The following PLXNB2 variants were observed in gnomAD, a reference collection of about 807,000 sequenced individuals.
The protein encoded by PLXNB2 is plexin B2, also known as plexin-B2.
Under a neutral mutation model 202.6 loss-of-function variants are expected in PLXNB2, and 85 were observed. That is an observed-to-expected ratio of 0.42 (90% CI 0.35 to 0.50). The LOEUF (loss-of-function observed/expected upper bound fraction) is 0.50, where lower values mean the gene tolerates loss of function less well. Ranked by LOEUF, PLXNB2 falls within the 20% of genes least tolerant of loss-of-function variation. PLXNB2 has a pLI of 0.02. For missense variants in PLXNB2, 2,063 were observed against 2,586.2 expected (o/e 0.80, Z 4.39); for synonymous variants, 1,239 against 1,137.6 (o/e 1.09, Z -1.79).
At chr22:50,282,486 G>C (rs1276910116) in intron 18 of PLXNB2, 173 bp from the exon 19 acceptor site, 1 of 741,212 alleles carries the variant, frequency 1.3e-6, no homozygotes, top group African/African-American at 1.8e-5. Flanking sequence ...AGACTGTGCC[G>C]CAAGTGGGCG....
chr22:50,300,270 C>A, intron 1 of PLXNB2: 2 of 985,298 alleles, frequency 2.0e-6, no homozygotes, highest in Non-Finnish European at 2.4e-6. Flanking sequence ...CCCCGCGGGG[C>A]GCTCACCTGG....
Position 50,286,098 on chromosome 22 carries a change from C to T in PLXNB2, c.1878G>A (p.Pro626=), listed in dbSNP as rs781347681. 1.9e-6 allele frequency: 3 copies of T among 1,612,250 alleles called. No individual in the cohort carries two copies. The South Asian group carries it at 3.3e-5, about 18-fold the overall frequency. Residue 626 remains proline, a splice_region_variant and synonymous_variant, in exon 10 of 37, where the codon CCG becomes CCA. Transcript: ENST00000359337. ...AGCGGTTGCTCACGCAGGAGATGCA[C>T]CTGCATCCAGAGGGGATCGTGAGCA... The part of the protein sequence containing the change: ...RQAMSLEENL[P]CISCVSNRWT...
chr22:50,306,979 G>A (rs1237814546), intron 1 of PLXNB2, among the ~76,000 whole-genome samples: 2 of 152,194 alleles, frequency 1.3e-5, no homozygotes, highest in Non-Finnish European at 1.5e-5. Flanking sequence ...CAGGGGACAG[G>A]CAGGGCTCGC....
In PLXNB2 at chr22:50,287,808, G is replaced by C. The variant is rs200208821; in HGVS notation, c.1482-15C>G. On this transcript the variant is annotated splice_polypyrimidine_tract_variant and intron_variant, in intron 6 of 36. Transcript: ENST00000359337. ...TCCGGGTGCATCTGCAGGCGCAGGGGGCGGCCTCAGCCCAGGGTGGAGTCT... is the reference window on the plus strand; with the variant it reads ...TCCGGGTGCATCTGCAGGCGCAGGGCGCGGCCTCAGCCCAGGGTGGAGTCT... 2.5e-6 allele frequency: 4 copies of C among 1,595,902 alleles called. No homozygotes were observed. Among genetic ancestry groups the C allele is most frequent in the Admixed American group, 3.4e-5 (2 of 59,526 alleles).
chr22:50,275,405 C>A lies in PLXNB2; in HGVS notation c.*299G>T, dbSNP rs1011318570. 5 of 504,712 alleles carry A rather than the reference C, an allele frequency of 9.9e-6. No homozygotes were observed. In the East Asian group the frequency reaches 2.7e-4, roughly 27 times the overall value. 31.3% of individuals were successfully genotyped at this position (504,712 alleles called of 1,614,324 possible). ...GGAGGCGGAGGCCAGCTGCCCCCAGCGTGGCAGCGTAAGGCACATTTTCAA... is the reference window on the plus strand; with the variant it reads ...GGAGGCGGAGGCCAGCTGCCCCCAGAGTGGCAGCGTAAGGCACATTTTCAA... On this transcript the variant is annotated 3_prime_UTR_variant, in exon 37 of 37. Transcript: ENST00000359337.
At chr22:50,283,276 G>A (rs928303693) in intron 16 of PLXNB2, 61 bp downstream of exon 16, 14 of 1,606,266 alleles carry the variant, frequency 8.7e-6, no homozygotes, top group Admixed American at 1.7e-5. Context: ...GGGAGGCGGC[G>A]GGCAGAGCCC....
intron 1 of PLXNB2, among the ~76,000 whole-genome samples, chr22:50,306,062 G>A (rs900030780): frequency 1.3e-5 from 2 of 152,202 alleles, no homozygotes; most frequent in African/African-American, 4.8e-5. Context: ...CTTCTCCCAC[G>A]CTGCAGCCTC....
chr22:50,304,106 T>G (rs2147729980), intron 1 of PLXNB2, among the ~76,000 whole-genome samples: 1 of 152,274 alleles, frequency 6.6e-6, no homozygotes, highest in South Asian at 2.1e-4. Context: ...CTCCAGGATC[T>G]GGGCTGCAGA....
At position 50,281,344 on chromosome 22, in the gene PLXNB2, C is replaced by CG. The variant is rs762823862; in HGVS notation, c.3662+15dup. ...CGAGGGCTCAGGGTGTTGGCACAGC[C>CG]GGGGGGCGGGCTCACCAGTAGCAGT... On this transcript the variant is annotated intron_variant, in intron 22 of 36. Transcript: ENST00000359337. 8.1e-6 allele frequency: 13 copies of CG among 1,610,846 alleles called. No individual in the cohort carries two copies. The highest frequency in any genetic ancestry group is 3.3e-5 in the South Asian group (3 of 90,714).
Position 50,279,659 on chromosome 22 carries a change from G to A in PLXNB2, c.4360C>T (p.Leu1454=), listed in dbSNP as rs2065853143. 6.2e-7 allele frequency: 1 copy of A among 1,613,962 alleles called. No homozygotes were observed. The highest frequency in any genetic ancestry group is 1.1e-5 in the South Asian group (1 of 91,082). Residue 1454 remains leucine (L), a synonymous_variant, in exon 27 of 37, where the codon CTG becomes TTG. Transcript: ENST00000359337. ...GGTGCGTACTCCACATCATCCCCCAGCAGCCCCGTGTCGTTGAGAGTGTAC... is the reference window on the plus strand; with the variant it reads ...GGTGCGTACTCCACATCATCCCCCAACAGCCCCGTGTCGTTGAGAGTGTAC... ...AKYTLNDTGL[L]GDDVEYAPLT...
chr22:50,301,378 T>C (rs928819062), intron 1 of PLXNB2: 8 of 975,338 alleles, frequency 8.2e-6, no homozygotes, highest in Non-Finnish European at 8.5e-6. Context: ...GGACCTCCTG[T>C]GGGAGGGGTG....
chr22:50,301,258 C>A (rs2067664586), intron 1 of PLXNB2: 1 of 331,936 alleles, frequency 3.0e-6, no homozygotes. Context: ...TCCCAGACCC[C>A]ATCCTGTCCA....
Position 50,283,142 on chromosome 22 carries a change from C to T in PLXNB2, c.2724G>A (p.Ala908=), listed in dbSNP as rs529444607. 279 of 1,597,056 alleles carry T rather than the reference C, an allele frequency of 1.7e-4. No homozygotes were observed. Among genetic ancestry groups the T allele is most frequent in the African/African-American group, 7.8e-4 (58 of 74,704 alleles). ...LSVEPQQGPQ[A]GGTTLTIHGT... ...CGTGGATGGTCAGTGTGGTGCCGCC[C>T]GCCTGCGGTCCCTGCTGCGGCTCCA... Residue 908 remains alanine, a synonymous_variant, in exon 17 of 37, where the codon GCG becomes GCA. Coordinates refer to ENST00000359337, the MANE Select transcript of PLXNB2 (RefSeq NM_012401.4).
At chr22:50,304,892 C>T (rs2067832055) in intron 1 of PLXNB2, among the ~76,000 whole-genome samples, 2 of 152,204 alleles carry the variant, frequency 1.3e-5, no homozygotes, top group South Asian at 4.1e-4. Flanking sequence ...TTCTGAGCAG[C>T]TCACCACCTC....
At chr22:50,298,075 G>A (rs1341055581) in intron 1 of PLXNB2, among the ~76,000 whole-genome samples, 10 of 152,036 alleles carry the variant, frequency 6.6e-5, no homozygotes, top group Admixed American at 2.0e-4. Context: ...CTGCCCCGCC[G>A]CCCTGCCCCA....
Position 50,297,538 on chromosome 22 carries a change from A to C in PLXNB2, c.-73-2760T>G, listed in dbSNP as rs1416232980. ...TCAGTCTGGGGCCCTTCCTGGCCCA[A>C]GTCTACCTCCTCTGCCCGGCCTCTG... On this transcript the variant is annotated intron_variant, in intron 1 of 36. Coordinates refer to ENST00000359337, the MANE Select transcript of PLXNB2 (RefSeq NM_012401.4). This position sits in a 1 kb window ranked among gnomAD's most constrained non-coding sequence, Gnocchi z 5.3. 6.6e-6 allele frequency among the ~76,000 whole-genome samples: 1 copy of C among 152,072 alleles called. No individual in the cohort carries two copies. Among genetic ancestry groups the C allele is most frequent in the African/African-American group, 2.4e-5 (1 of 41,386 alleles).
intron 1 of PLXNB2, among the ~76,000 whole-genome samples, chr22:50,306,277 G>C (rs1294415833): frequency 1.3e-5 from 2 of 152,194 alleles, no homozygotes; most frequent in Non-Finnish European, 2.9e-5. Context: ...ACCGTGGGAG[G>C]ACTCAGATGT....
chr22:50,280,833 G>C lies in PLXNB2; in HGVS notation c.3904C>G (p.Leu1302Val). ...GGCCGCCGCGGCTCAGGGATGTCCA[G>C]CTTGCCGGTGATCATCACGTCCTTG... ...GDKDVMITGK[L>V]DIPEPRRPVV... is the part of the protein sequence containing the mutation. Residue 1302 changes from leucine (L) to valine (V), a missense_variant, in exon 24 of 37, where the codon CTG becomes GTG. By Grantham distance (32) the Leu-to-Val change is conservative. Transcript: ENST00000359337. 3 of 1,613,342 alleles carry C rather than the reference G, an allele frequency of 1.9e-6. No homozygotes were observed. The highest frequency in any genetic ancestry group is 2.2e-5 in the South Asian group (2 of 91,084).
chr22:50,287,050 G>T, intron 8 of PLXNB2, 61 bp downstream of exon 8: 1 of 1,415,724 alleles, frequency 7.1e-7, no homozygotes, highest in Non-Finnish European at 9.3e-7. Context: ...GCGAGAGCCC[G>T]TGTGCACAGG....
Sources: allele counts gnomAD v4.1 joint callset (sites outside exome capture counted in the v4.1 genomes callset), GRCh38; gene constraint gnomAD v4.1.1; non-coding constraint Gnocchi (gnomAD v3.1); transcripts MANE v1.5; gene names NCBI Gene and HGNC (gene_info 2026-07-23, HGNC 2026-07-21).